Variants in UNC5D observed in about 807,000 individuals in gnomAD.
The protein encoded by UNC5D is unc-5 netrin receptor D, also known as netrin receptor UNC5D.
In UNC5D, 39 loss-of-function variants were observed where a neutral mutation model predicts 105.4. The observed-to-expected ratio is 0.37, with a 90% confidence interval of 0.29 to 0.48. The LOEUF (loss-of-function observed/expected upper bound fraction) is 0.48, where lower values mean the gene tolerates loss of function less well. Among genes scored for constraint, UNC5D ranks in the 20% least tolerant of loss-of-function variants. The pLI is 0.98. For missense variants in UNC5D, 991 were observed against 1,202.4 expected (o/e 0.82, Z 2.60); for synonymous variants, 452 against 450.4 (o/e 1.00, Z -0.04).
At chr8:35,407,031 C>T (rs186185928) in intron 1 of UNC5D, among the ~76,000 whole-genome samples, 1 of 152,168 alleles carries the variant, frequency 6.6e-6, no homozygotes, top group Admixed American at 6.5e-5. Context: ...GCATATATGA[C>T]CATGGTCCTG....
intron 1 of UNC5D, among the ~76,000 whole-genome samples, chr8:35,422,121 A>G (rs1805949587): frequency 6.6e-6 from 1 of 152,212 alleles, no homozygotes; most frequent in Non-Finnish European, 1.5e-5. Flanking sequence ...TTAGATGCCT[A>G]GAGAGCCCCA....
chr8:35,737,999 G>A (rs956767960), intron 11 of UNC5D, among the ~76,000 whole-genome samples: 1 of 152,120 alleles, frequency 6.6e-6, no homozygotes, highest in African/African-American at 2.4e-5. Flanking sequence ...CCAGCTACTA[G>A]GGAGGCTGAG....
chr8:35,367,780 T>C (rs1006367331), intron 1 of UNC5D, among the ~76,000 whole-genome samples: 1 of 152,190 alleles, frequency 6.6e-6, no homozygotes, highest in Non-Finnish European at 1.5e-5. Context: ...CTTGCTCTGA[T>C]TGGTCTCCTT....
At chr8:35,682,856 A>T (rs1221296591) in intron 4 of UNC5D, among the ~76,000 whole-genome samples, 1 of 152,212 alleles carries the variant, frequency 6.6e-6, no homozygotes, top group Non-Finnish European at 1.5e-5. Context: ...TGCTCAGAGG[A>T]TGGGGAAGGT....
chr8:35,653,142 A>G (rs111875206), intron 4 of UNC5D, among the ~76,000 whole-genome samples: 7,462 of 151,714 alleles, frequency 0.049, 177 homozygotes, highest in Middle Eastern at 0.071. Context: ...GTTGGCCAGG[A>G]TAGTCTCGAT....
intron 2 of UNC5D, among the ~76,000 whole-genome samples, chr8:35,563,362 G>A (rs1817099429): frequency 8.2e-6 from 1 of 121,926 alleles, no homozygotes; most frequent in African/African-American, 3.1e-5. Context: ...TTTGTGGGGG[G>A]TGGGGGGGTG....
intron 4 of UNC5D, among the ~76,000 whole-genome samples, chr8:35,606,881 A>T (rs1349807455): frequency 1.3e-5 from 2 of 152,122 alleles, no homozygotes; most frequent in Non-Finnish European, 2.9e-5. Context: ...TTCAGGACTG[A>T]GATTGGTAGA....
At chr8:35,642,887 T>C (rs1822832397) in intron 4 of UNC5D, among the ~76,000 whole-genome samples, 1 of 152,132 alleles carries the variant, frequency 6.6e-6, no homozygotes, top group African/African-American at 2.4e-5. Context: ...AGTTACAAGA[T>C]TGTTTTTCCC....
rs536187477 is a variant in UNC5D at position 35,347,721 on chromosome 8, A to G, written c.103+111834A>G. On this transcript the variant is annotated intron_variant, in intron 1 of 16. Coordinates refer to ENST00000404895, the MANE Select transcript of UNC5D (RefSeq NM_080872.4). ...GAGGCAGCAAAGAGAGAAAGAGGCC[A>G]GGCCTCAAGATCGGTGCTCTTTGTA... is the stretch of plus-strand genomic sequence containing the variant. Among the ~76,000 whole-genome samples the G allele has an allele frequency of 2.0e-5, 3 of 152,110 alleles. No homozygotes were observed. In the South Asian group the frequency reaches 6.2e-4, roughly 32 times the overall value.
chr8:35,385,850 T>G (rs558818495), intron 1 of UNC5D, among the ~76,000 whole-genome samples: 6 of 152,334 alleles, frequency 3.9e-5, no homozygotes, highest in African/African-American at 1.4e-4. Context: ...AGTGATTGTC[T>G]TCTTTCTAGT....
chr8:35,476,941 G>A (rs1810146133), intron 1 of UNC5D, among the ~76,000 whole-genome samples: 1 of 152,022 alleles, frequency 6.6e-6, no homozygotes, highest in Admixed American at 6.6e-5. Context: ...AGCCTTCTTT[G>A]CTCCTAGACT....
At chr8:35,672,885 G>A (rs1449875771) in intron 4 of UNC5D, among the ~76,000 whole-genome samples, 4 of 152,090 alleles carry the variant, frequency 2.6e-5, no homozygotes, top group South Asian at 2.1e-4. Context: ...CAACTGAAGC[G>A]GGGAAAGTAA....
At chr8:35,779,666 G>A (rs956252335) in intron 16 of UNC5D, among the ~76,000 whole-genome samples, 4 of 152,116 alleles carry the variant, frequency 2.6e-5, no homozygotes, top group African/African-American at 2.4e-5. Context: ...ATGTGGGCCA[G>A]GCTGGTCTCA....
chr8:35,282,792 T>G (rs1806288495), intron 1 of UNC5D, among the ~76,000 whole-genome samples: 1 of 151,264 alleles, frequency 6.6e-6, no homozygotes, highest in South Asian at 2.1e-4. Flanking sequence ...ATAATATTCA[T>G]CAGCTAACGG....
intron 1 of UNC5D, among the ~76,000 whole-genome samples, chr8:35,492,411 C>T (rs569715757): frequency 6.6e-6 from 1 of 152,166 alleles, no homozygotes; most frequent in Admixed American, 6.5e-5. Flanking sequence ...TATAAAGTTG[C>T]TACTTGCATT....
chr8:35,482,990 A>G (rs910841886), intron 1 of UNC5D, among the ~76,000 whole-genome samples: 3 of 151,652 alleles, frequency 2.0e-5, no homozygotes, highest in African/African-American at 7.3e-5. Flanking sequence ...TTTAGTAGAG[A>G]GGAGGTTTCA....
At chr8:35,359,838 G>A (rs1027568238) in intron 1 of UNC5D, among the ~76,000 whole-genome samples, 3 of 152,024 alleles carry the variant, frequency 2.0e-5, no homozygotes, top group African/African-American at 7.2e-5. Flanking sequence ...GGCTTGATTT[G>A]CCCTGCCTCC....
chr8:35,538,273 A>G (rs1814981137), intron 1 of UNC5D, among the ~76,000 whole-genome samples: 1 of 151,212 alleles, frequency 6.6e-6, no homozygotes, highest in East Asian at 2.0e-4. Flanking sequence ...TAGATTCCTA[A>G]AAGAATTGAG....
intron 2 of UNC5D, among the ~76,000 whole-genome samples, chr8:35,554,534 A>G (rs2589342): frequency 1 from 152,341 of 152,342 alleles, 76,170 homozygotes; most frequent in Non-Finnish European, 1. Context: ...CTGTGAAAAG[A>G]ATGGTGTATG....
Sources: allele counts gnomAD v4.1 joint callset (sites outside exome capture counted in the v4.1 genomes callset), GRCh38; gene constraint gnomAD v4.1.1; transcripts MANE v1.5; gene names NCBI Gene and HGNC (gene_info 2026-07-23, HGNC 2026-07-21).